Variants in MRPS30 observed in about 807,000 individuals in gnomAD.
MRPS30 encodes mitochondrial ribosomal protein S30.
A neutral mutation model predicts 43.8 loss-of-function variants in MRPS30; 42 were observed. That is an observed-to-expected ratio of 0.96 (90% CI 0.75 to 1.24). The LOEUF (loss-of-function observed/expected upper bound fraction) is 1.24, where lower values mean the gene tolerates loss of function less well. Ranked by LOEUF, MRPS30 falls within the 50% of genes most tolerant of loss-of-function variation. The pLI is 0.00. For missense variants in MRPS30, 638 were observed against 570.0 expected, an observed-to-expected ratio of 1.12 and a Z score of -1.22; for synonymous variants, 273 against 228.2, an observed-to-expected ratio of 1.20 and a Z score of -1.77.
intron 4 of MRPS30, among the ~76,000 whole-genome samples, chr5:44,814,704 A>T (rs1310948868): frequency 6.6e-6 from 1 of 152,192 alleles, no homozygotes; most frequent in Non-Finnish European, 1.5e-5. Context: ...GATTGAGGAT[A>T]CTAGAAGGGA....
At chr5:44,809,622 T>G in intron 1 of MRPS30, 59 bp downstream of exon 1, 1 of 1,461,320 alleles carries the variant, frequency 6.8e-7, no homozygotes, top group Non-Finnish European at 9.2e-7. Context: ...ACTGGGTTAC[T>G]CTGCCGCAGA....
rs939994786 is a variant in MRPS30, at chr5:44,809,472, G to A, written c.510G>A (p.Glu170=). The A allele has an allele frequency of 3.7e-6, 6 of 1,613,858 alleles. No individual in the cohort carries two copies. Among genetic ancestry groups the A allele is most frequent in the Non-Finnish European group, 5.1e-6 (6 of 1,180,010 alleles). The part of the protein sequence containing the change: ...RRRVHRYEES[E]VISLPFLDQL... ...GCGTGCACCGTTACGAGGAGAGCGA[G>A]GTCATATCTTTGCCCTTCCTGGATC... is the stretch of plus-strand genomic sequence containing the variant. The change falls in exon 1 of 5, where the codon GAG becomes GAA. Residue 170 remains glutamate (E), a synonymous_variant. Coordinates refer to ENST00000507110, the MANE Select transcript of MRPS30 (RefSeq NM_016640.4).
chr5:44,809,642 C>T (rs540967630), intron 1 of MRPS30, 79 bp downstream of exon 1: 17 of 1,378,702 alleles, frequency 1.2e-5, no homozygotes, highest in Non-Finnish European at 1.6e-5. Context: ...ATTTACCCCT[C>T]GTCATTTCTT....
intron 3 of MRPS30, 34 bp from the exon 4 acceptor site, chr5:44,813,072 G>A (rs1053827225): frequency 1.9e-6 from 3 of 1,600,266 alleles, no homozygotes; most frequent in Non-Finnish European, 2.6e-6. Context: ...CTACATGTTT[G>A]TTTCATCTGA....
Position 44,814,871 on chromosome 5 carries a change from A to G in MRPS30, c.1031-42A>G, listed in dbSNP as rs374461864. The G allele has an allele frequency of 3.3e-5, 51 of 1,533,108 alleles. No individual in the cohort carries two copies. In the African/African-American group the frequency reaches 5.8e-4, roughly 17 times the overall value. 95.0% of individuals were successfully genotyped at this position (1,533,108 alleles called of 1,614,324 possible). On this transcript the variant is annotated intron_variant, in intron 4 of 4. Coordinates refer to ENST00000507110, the MANE Select transcript of MRPS30 (RefSeq NM_016640.4). ...AATGTGATTGTTTTGTTTGGGTAAG[A>G]TATATTCTATGTGTAAATTTCAGCA...
chr5:44,814,385 G>A (rs1253836435), intron 4 of MRPS30, among the ~76,000 whole-genome samples: 2 of 152,180 alleles, frequency 1.3e-5, no homozygotes, highest in East Asian at 1.9e-4. Context: ...GGAAGTGGGA[G>A]TAGGAGTAGA....
In MRPS30 at chr5:44,812,329, G is replaced by C. The variant is rs1038749234; in HGVS notation, c.853+309G>C. ...TTAAAAGTAAAAACTTTTAGAACTG[G>C]ACTTGAGATAGCAATTGGCTTTTTT... On this transcript the variant is annotated intron_variant, in intron 3 of 4. Transcript: ENST00000507110. Among the ~76,000 whole-genome samples, 3 of 152,126 alleles carry C rather than the reference G, an allele frequency of 2.0e-5. No homozygotes were observed. The East Asian group carries it at 5.8e-4, about 29-fold the overall frequency.
intron 1 of MRPS30, among the ~76,000 whole-genome samples, chr5:44,810,226 A>T (rs1260346362): frequency 6.6e-6 from 1 of 152,174 alleles, no homozygotes; most frequent in Non-Finnish European, 1.5e-5. Flanking sequence ...AAAAAAAGAC[A>T]AAAACGTAAC....
chr5:44,809,795 C>T (rs1385222016), intron 1 of MRPS30: 2 of 522,710 alleles, frequency 3.8e-6, no homozygotes, highest in African/African-American at 3.9e-5. Context: ...CTCTGAAAGC[C>T]TGAGCTCTCC....
chr5:44,809,133 T>G lies in MRPS30; in HGVS notation c.171T>G (p.Ala57=). The change falls in exon 1 of 5, where the codon GCT becomes GCG. Residue 57 remains alanine (A), a synonymous_variant. Transcript: ENST00000507110. ...CCTCCATGACAGCCGACAGCAAAGC[T>G]GCACGGCTGCGGCGGATCGAGCGCT... ...IVASMTADSK[A]ARLRRIERWQ... is the part of the protein sequence containing the mutation. The G allele has an allele frequency of 1.2e-6, 2 of 1,612,066 alleles. No individual in the cohort carries two copies. Among genetic ancestry groups the G allele is most frequent in the Non-Finnish European group, 1.7e-6 (2 of 1,179,512 alleles).
Position 44,814,457 on chromosome 5 carries a change from T to C in MRPS30, c.1031-456T>C, listed in dbSNP as rs559596181. Among the ~76,000 whole-genome samples, 8 of 152,316 alleles carry C rather than the reference T, an allele frequency of 5.3e-5. No individual in the cohort carries two copies. In the East Asian group the frequency reaches 1.5e-3, roughly 29 times the overall value. On this transcript the variant is annotated intron_variant, in intron 4 of 4. Transcript: ENST00000507110. ...ATGGTAGAATGGCACTGTTTACTTT[T>C]GAAAGATAAAGTACTTCTTTTTACA...
At chr5:44,812,686 T>C (rs1241454817) in intron 3 of MRPS30, among the ~76,000 whole-genome samples, 1 of 152,034 alleles carries the variant, frequency 6.6e-6, no homozygotes, top group Non-Finnish European at 1.5e-5. Context: ...GTAAAAATGA[T>C]TTTTAAAAAT....
chr5:44,811,861 A>T (rs569996177), intron 2 of MRPS30, 54 bp from the exon 3 acceptor site: 1 of 1,105,642 alleles, frequency 9.0e-7, no homozygotes, highest in African/African-American at 1.6e-5. Context: ...GAGTGTGAGT[A>T]AAATACATAC....
chr5:44,810,794 T>C (rs1742827759), intron 1 of MRPS30, among the ~76,000 whole-genome samples: 1 of 152,246 alleles, frequency 6.6e-6, no homozygotes, highest in Admixed American at 6.5e-5. Context: ...GAGGAATCTC[T>C]TTGGTTACTG....
chr5:44,809,891 T>C (rs905505219), intron 1 of MRPS30: 4 of 292,818 alleles, frequency 1.4e-5, no homozygotes, highest in African/African-American at 6.5e-5. Context: ...CTTAAGAGAG[T>C]GGGGCGGGCC....
chr5:44,813,968 A>C (rs890476544), intron 4 of MRPS30, among the ~76,000 whole-genome samples: 1 of 152,184 alleles, frequency 6.6e-6, no homozygotes, highest in African/African-American at 2.4e-5. Context: ...CCTAAAAATG[A>C]CTTACTCTAA....
At chr5:44,810,985 A>G (rs568636184) in intron 1 of MRPS30, 24 bp from the exon 2 acceptor site, 3 of 1,605,826 alleles carry the variant, frequency 1.9e-6, no homozygotes, top group Non-Finnish European at 2.6e-6. Flanking sequence ...CAGATGAAAA[A>G]AATTTTGAAT....
chr5:44,809,887 A>G, intron 1 of MRPS30: 1 of 302,976 alleles, frequency 3.3e-6, no homozygotes, highest in Non-Finnish European at 6.1e-6. Context: ...GCCACTTAAG[A>G]GAGTGGGGCG....
intron 3 of MRPS30, 27 bp downstream of exon 3, chr5:44,812,047 C>A: frequency 6.8e-7 from 1 of 1,468,542 alleles, no homozygotes; most frequent in Non-Finnish European, 9.4e-7. Flanking sequence ...ACATATTGTA[C>A]CATAAATGTG....
Sources: allele counts gnomAD v4.1 joint callset (sites outside exome capture counted in the v4.1 genomes callset), GRCh38; gene constraint gnomAD v4.1.1; transcripts MANE v1.5; gene names NCBI Gene and HGNC (gene_info 2026-07-23, HGNC 2026-07-21).